The following YEATS2 variants were observed in gnomAD, a reference collection of about 807,000 sequenced individuals.
YEATS2 encodes YEATS domain containing 2, also known as YEATS domain-containing protein 2.
Under a neutral mutation model 163.2 loss-of-function variants are expected in YEATS2, and 77 were observed. The observed-to-expected ratio is 0.47, with a 90% CI of 0.39 to 0.57. YEATS2 has a LOEUF of 0.57. YEATS2 is among the 20% of genes least tolerant of loss of function. The pLI is 0.00. For synonymous variants in YEATS2, 631 were observed against 645.1 expected (o/e 0.98, Z 0.33); for missense variants, 1,549 against 1,729.8 (o/e 0.90, Z 1.85).
chr3:183,801,696 C>A, intron 25 of YEATS2, 168 bp downstream of exon 25: 1 of 509,088 alleles, frequency 2.0e-6, no homozygotes. Flanking sequence ...GAATTCACAT[C>A]CAGTTAGTTT....
intron 1 of YEATS2, among the ~76,000 whole-genome samples, chr3:183,701,190 C>T (rs1714054335): frequency 6.7e-6 from 1 of 149,198 alleles, no homozygotes; most frequent in East Asian, 2.0e-4. Flanking sequence ...CACGCCTTTT[C>T]CTGCCTCAGC....
At chr3:183,738,033 A>G (rs200723990) in intron 8 of YEATS2, among the ~76,000 whole-genome samples, 1 of 151,994 alleles carries the variant, frequency 6.6e-6, no homozygotes. Context: ...TCCTGTGATC[A>G]GTGGTCTTTG....
intron 7 of YEATS2, among the ~76,000 whole-genome samples, chr3:183,734,955 T>G (rs762094952): frequency 2.6e-5 from 4 of 152,250 alleles, no homozygotes; most frequent in Admixed American, 6.5e-5. Context: ...TCTTTTGAAG[T>G]ATACCATTTC....
Position 183,786,174 on chromosome 3 carries a change from T to C in YEATS2, c.2786T>C (p.Leu929Ser), listed in dbSNP as rs932111159. 6.2e-7 allele frequency: 1 copy of C among 1,614,134 alleles called. No homozygotes were observed. The highest frequency in any genetic ancestry group is 1.7e-5 in the Admixed American group (1 of 60,014). ...CTAATGAAAATATCCGATAGCACCT[T>C]GAAGACTGTGCCAGCCACCTCACAG... ...ASLMKISDST[L>S]KTVPATSQLS... is the part of the protein sequence containing the mutation. Residue 929 changes from leucine to serine, a missense_variant, in exon 20 of 31, where the codon TTG (leucine) becomes TCG (serine). Leu to Ser is a moderately radical substitution (Grantham distance 145). Coordinates refer to ENST00000305135, the MANE Select transcript of YEATS2 (RefSeq NM_018023.5).
At chr3:183,809,867 CAG>C (rs1726619886) in intron 30 of YEATS2, among the ~76,000 whole-genome samples, 2 of 152,208 alleles carry the variant, frequency 1.3e-5, no homozygotes, top group Non-Finnish European at 2.9e-5. Context: ...GGGCCTAAAT[CAG>C]AGGAATAGTA....
intron 2 of YEATS2, among the ~76,000 whole-genome samples, chr3:183,715,787 C>T (rs1241334408): frequency 4.6e-5 from 7 of 152,028 alleles, no homozygotes; most frequent in Non-Finnish European, 7.4e-5. Context: ...TAGGAAACAT[C>T]GATCTAGTTC....
At chr3:183,782,772 A>T (rs1324940042) in intron 19 of YEATS2, among the ~76,000 whole-genome samples, 2 of 152,144 alleles carry the variant, frequency 1.3e-5, no homozygotes, top group African/African-American at 2.4e-5. Context: ...GTTGATGGAC[A>T]TTTGGATTAT....
chr3:183,809,103 GA>G lies in YEATS2; in HGVS notation c.4095del (p.Glu1365AspfsTer4). On this transcript the variant is annotated frameshift_variant, in exon 30 of 31. Transcript: ENST00000305135. LOFTEE classifies it high-confidence loss of function. Reference sequence around the variant, plus strand: ...ACAGCATCTTCCATTGTAGGCTACAGAACAGCTGGTGAATGATATCCTGAGA... The same window carrying G: ...ACAGCATCTTCCATTGTAGGCTACAGACAGCTGGTGAATGATATCCTGAGA... ...VVEDMILKAT[E>X]QLVNDILRQA... 1 of 1,614,126 alleles carries G rather than the reference GA, an allele frequency of 6.2e-7. No homozygotes were observed. Among genetic ancestry groups the G allele is most frequent in the South Asian group, 1.1e-5 (1 of 91,086 alleles).
chr3:183,807,292 A>G (rs917657339), intron 28 of YEATS2, 200 bp downstream of exon 28: 99 of 569,780 alleles, frequency 1.7e-4, no homozygotes, highest in African/African-American at 1.7e-3. Context: ...ACCGTCCCAC[A>G]TCAGAGCCCT....
At chr3:183,744,832 G>T (rs751826233) in intron 8 of YEATS2, among the ~76,000 whole-genome samples, 1 of 151,602 alleles carries the variant, frequency 6.6e-6, no homozygotes, top group Non-Finnish European at 1.5e-5. Context: ...TCCGTCCTCC[G>T]CCCTTCCCAC....
chr3:183,775,179 C>T (rs1487185464), intron 17 of YEATS2, among the ~76,000 whole-genome samples: 1 of 152,124 alleles, frequency 6.6e-6, no homozygotes, highest in Non-Finnish European at 1.5e-5. Context: ...TTCATTTTTC[C>T]TGAGACAGGG....
At chr3:183,765,091 G>T (rs1250541344) in intron 15 of YEATS2, among the ~76,000 whole-genome samples, 1 of 152,146 alleles carries the variant, frequency 6.6e-6, no homozygotes, top group Non-Finnish European at 1.5e-5. Flanking sequence ...ACTAAGACAG[G>T]CATCCCCAAC....
At chr3:183,701,784 A>C (rs976945661) in intron 1 of YEATS2, among the ~76,000 whole-genome samples, 3 of 152,220 alleles carry the variant, frequency 2.0e-5, no homozygotes, top group Admixed American at 6.5e-5. Flanking sequence ...TAAAAACAAA[A>C]TACATAACAA....
At chr3:183,804,292 C>A in intron 27 of YEATS2, 104 bp downstream of exon 27, 4 of 1,360,452 alleles carry the variant, frequency 2.9e-6, no homozygotes, top group Non-Finnish European at 4.1e-6. Flanking sequence ...GAACGAGAGC[C>A]TTTCCTACCT....
At chr3:183,748,392 C>T (rs999943828) in intron 9 of YEATS2, among the ~76,000 whole-genome samples, 2 of 151,326 alleles carry the variant, frequency 1.3e-5, no homozygotes, top group Non-Finnish European at 2.9e-5. Flanking sequence ...GCTGTGACTA[C>T]AGGCACGCGC....
At chr3:183,702,083 A>G (rs1028496382) in intron 1 of YEATS2, among the ~76,000 whole-genome samples, 6 of 152,198 alleles carry the variant, frequency 3.9e-5, no homozygotes, top group African/African-American at 7.2e-5. Context: ...CGACTCATCC[A>G]TGAAGTGAAC....
At chr3:183,735,974 A>G (rs1299394615) in intron 7 of YEATS2, among the ~76,000 whole-genome samples, 1 of 152,226 alleles carries the variant, frequency 6.6e-6, no homozygotes, top group Non-Finnish European at 1.5e-5. Context: ...GTACTTAATG[A>G]TATATCAATT....
At chr3:183,779,364 C>A (rs1267790601) in intron 19 of YEATS2, among the ~76,000 whole-genome samples, 1 of 152,200 alleles carries the variant, frequency 6.6e-6, no homozygotes, top group Non-Finnish European at 1.5e-5. Flanking sequence ...TAAACAGATA[C>A]AAGGCCCTGC....
At chr3:183,803,409 C>A in intron 26 of YEATS2, 74 bp downstream of exon 26, 1 of 1,354,014 alleles carries the variant, frequency 7.4e-7, no homozygotes, top group Non-Finnish European at 1.0e-6. Flanking sequence ...AAGATTGCAG[C>A]ATATTTGGTT....
Sources: gnomAD v4.1 joint callset for allele counts (sites outside exome capture counted in the v4.1 genomes callset) on GRCh38, gnomAD v4.1.1 for gene constraint, MANE v1.5 for transcripts, NCBI Gene and HGNC (gene_info 2026-07-23, HGNC 2026-07-21) for gene names.